Variants in PARD3B observed in about 807,000 individuals in gnomAD.
PARD3B encodes the protein partitioning defective 3 homolog B.
Under a neutral mutation model 130.2 loss-of-function variants are expected in PARD3B, and 103 were observed. The observed-to-expected ratio is 0.79, with a 90% CI of 0.67 to 0.93. The LOEUF (loss-of-function observed/expected upper bound fraction) is 0.93, where lower values mean the gene tolerates loss of function less well. Among genes scored for constraint, PARD3B ranks in the 40% least tolerant of loss-of-function variants. PARD3B has a pLI of 0.00. For missense variants in PARD3B, 1,609 were observed against 1,499.2 expected (o/e 1.07, Z -1.21); for synonymous variants, 583 against 553.2 (o/e 1.05, Z -0.76).
intron 20 of PARD3B, among the ~76,000 whole-genome samples, chr2:205,497,242 A>G (rs1575166012): frequency 6.6e-6 from 1 of 151,308 alleles, no homozygotes; most frequent in East Asian, 1.9e-4. Flanking sequence ...CGTGATTCCC[A>G]AGGGTTTGTC....
intron 3 of PARD3B, among the ~76,000 whole-genome samples, chr2:205,023,208 AGGT>A (rs1696755210): frequency 6.6e-6 from 1 of 152,130 alleles, no homozygotes; most frequent in Non-Finnish European, 1.5e-5. Context: ...CAGAGAGGAG[AGGT>A]GGTGATCCCA....
At position 205,187,883 on chromosome 2, in the gene PARD3B, A is replaced by C. The variant is rs900094497; in HGVS notation, c.2024+2020A>C. On this transcript the variant is annotated intron_variant, in intron 14 of 22. Coordinates refer to ENST00000406610, the MANE Select transcript of PARD3B (RefSeq NM_001302769.2). The surrounding 1 kb of genome is among the most constrained non-coding windows in gnomAD (Gnocchi z 4.9). ...CGGTAATCTCCTTTCAGTCAAAAGT[A>C]TGACGTTGTCTTAGACTTCATTCTT... Among the ~76,000 whole-genome samples, 11 of 152,214 alleles carry C rather than the reference A, an allele frequency of 7.2e-5. No homozygotes were observed. The highest frequency in any genetic ancestry group is 2.7e-4 in the African/African-American group (11 of 41,462).
chr2:204,771,290 A>C (rs775581162), intron 2 of PARD3B, among the ~76,000 whole-genome samples: 1 of 152,008 alleles, frequency 6.6e-6, no homozygotes, highest in Admixed American at 6.6e-5. Flanking sequence ...GCACTGCCAT[A>C]GATAGTATCT....
intron 2 of PARD3B, among the ~76,000 whole-genome samples, chr2:204,851,432 A>C (rs996235286): frequency 6.6e-6 from 1 of 152,210 alleles, no homozygotes; most frequent in Non-Finnish European, 1.5e-5. Context: ...CTGTTAAACT[A>C]ATCAGCTTGT....
chr2:204,772,989 ATTGTT>A (rs1227800496), intron 2 of PARD3B, among the ~76,000 whole-genome samples: 1 of 151,958 alleles, frequency 6.6e-6, no homozygotes, highest in Non-Finnish European at 1.5e-5. Flanking sequence ...AGTTGATTTT[ATTGTT>A]TTGAGTTTAC....
At chr2:205,528,465 CCTCTT>C (rs1011002199) in intron 21 of PARD3B, among the ~76,000 whole-genome samples, 1 of 152,042 alleles carries the variant, frequency 6.6e-6, no homozygotes, top group Non-Finnish European at 1.5e-5. Context: ...TCATCTCCAG[CCTCTT>C]CTCTTCGTGT....
At chr2:204,553,679 TATATATATATATATATAC>T (rs1218511471) in intron 1 of PARD3B, among the ~76,000 whole-genome samples, 151 of 94,246 alleles carry the variant, frequency 1.6e-3, no homozygotes, top group African/African-American at 6.4e-3. Context: ...TATATATATA[TATATATATATATATATAC>T]ACACATATAT....
chr2:204,861,786 G>A (rs2045214122), intron 2 of PARD3B, among the ~76,000 whole-genome samples: 1 of 151,734 alleles, frequency 6.6e-6, no homozygotes. Flanking sequence ...CAGATAAAAC[G>A]GCACAGAGAC....
At chr2:204,878,166 T>C (rs989378220) in intron 2 of PARD3B, among the ~76,000 whole-genome samples, 1 of 152,222 alleles carries the variant, frequency 6.6e-6, no homozygotes, top group Non-Finnish European at 1.5e-5. Flanking sequence ...TTTAGTGTTA[T>C]AGCATAGAGT....
At chr2:205,444,142 C>T (rs62171549) in intron 20 of PARD3B, among the ~76,000 whole-genome samples, 22 of 152,288 alleles carry the variant, frequency 1.4e-4, no homozygotes, top group African/African-American at 3.6e-4. Flanking sequence ...GCCACCAACC[C>T]GACTAATTTT....
intron 2 of PARD3B, among the ~76,000 whole-genome samples, chr2:204,832,209 G>A (rs1171957374): frequency 6.6e-6 from 1 of 151,934 alleles, no homozygotes; most frequent in Non-Finnish European, 1.5e-5. Context: ...CTGGGCGACT[G>A]AGCGAGACTC....
intron 2 of PARD3B, among the ~76,000 whole-genome samples, chr2:204,743,757 A>G (rs889223896): frequency 6.6e-6 from 1 of 151,762 alleles, no homozygotes; most frequent in African/African-American, 2.4e-5. Context: ...GTCTGTCACT[A>G]CTCAGATATC....
intron 2 of PARD3B, among the ~76,000 whole-genome samples, chr2:204,958,065 T>C (rs1690423786): frequency 6.6e-6 from 1 of 152,190 alleles, no homozygotes; most frequent in Non-Finnish European, 1.5e-5. Context: ...TTAGTTCACT[T>C]GACATGTAAT....
intron 4 of PARD3B, among the ~76,000 whole-genome samples, chr2:205,100,852 A>G (rs1302010497): frequency 1.3e-5 from 2 of 152,190 alleles, no homozygotes; most frequent in African/African-American, 4.8e-5. Context: ...AAATGATAAT[A>G]GGCCTAAATG....
intron 1 of PARD3B, among the ~76,000 whole-genome samples, chr2:204,576,034 A>G (rs960289222): frequency 3.9e-5 from 6 of 152,114 alleles, no homozygotes; most frequent in African/African-American, 7.2e-5. Flanking sequence ...CAAACCTCTT[A>G]TCTCTTCCTT....
chr2:205,534,859 G>A (rs1036888042), intron 21 of PARD3B, among the ~76,000 whole-genome samples: 5 of 152,166 alleles, frequency 3.3e-5, no homozygotes, highest in African/African-American at 9.7e-5. Flanking sequence ...GAGTAAAAAC[G>A]ATTGGCATTG....
chr2:205,200,490 G>A (rs1179805517), intron 15 of PARD3B, among the ~76,000 whole-genome samples: 4 of 152,114 alleles, frequency 2.6e-5, no homozygotes, highest in Admixed American at 6.5e-5. Context: ...AAGAAATACC[G>A]TCTTAGAGAA....
rs1559574895 is a variant in PARD3B, at chr2:205,238,852, ATATATAT to A, written c.2141-6925_2141-6919del. On this transcript the variant is annotated intron_variant, in intron 15 of 22. Coordinates refer to ENST00000406610, the MANE Select transcript of PARD3B (RefSeq NM_001302769.2). ...CTCCGTTTCAAAAAAAAAAAAAAAT[ATATATAT>A]ATATATATATATATATATGTATGTG... is the stretch of plus-strand genomic sequence containing the variant. Among the ~76,000 whole-genome samples, 220 of 71,038 alleles carry A rather than the reference ATATATAT, an allele frequency of 3.1e-3. 7 individuals carry two copies. Among genetic ancestry groups the A allele is most frequent in the African/African-American group, 0.013 (207 of 15,650 alleles). The allele number at this position is 71,038 out of a possible 152,430, so 46.6% of individuals were successfully genotyped here.
intron 21 of PARD3B, among the ~76,000 whole-genome samples, chr2:205,527,038 T>G (rs1454493966): frequency 6.6e-6 from 1 of 152,182 alleles, no homozygotes; most frequent in Non-Finnish European, 1.5e-5. Flanking sequence ...GGTTTGCAGG[T>G]ATAAATAAAA....
Sources: gnomAD v4.1 joint callset for allele counts (sites outside exome capture counted in the v4.1 genomes callset) on GRCh38, gnomAD v4.1.1 for gene constraint, Gnocchi (gnomAD v3.1) non-coding constraint, MANE v1.5 for transcripts, NCBI Gene and HGNC (gene_info 2026-07-23, HGNC 2026-07-21) for gene names.